The following ADGRA3 variants were observed in gnomAD, a reference collection of about 807,000 sequenced individuals.
ADGRA3 encodes G-protein coupled receptor 125.
In ADGRA3, 56 loss-of-function variants were observed where a neutral mutation model predicts 119.8. The ratio of observed to expected loss-of-function variants is 0.47; its 90% CI spans 0.38 to 0.58. The LOEUF is 0.58. Among genes scored for constraint, ADGRA3 ranks in the 20% least tolerant of loss-of-function variants. ADGRA3 has a pLI of 0.00. For missense variants in ADGRA3, 1,516 were observed against 1,649.0 expected (o/e 0.92, Z 1.40); for synonymous variants, 607 against 623.8 (o/e 0.97, Z 0.40).
chr4:22,496,453 A>G (rs563865100), intron 1 of ADGRA3, among the ~76,000 whole-genome samples: 1 of 152,218 alleles, frequency 6.6e-6, no homozygotes, highest in Non-Finnish European at 1.5e-5. Context: ...TTATTTTACC[A>G]CATTTTCAAT....
At position 22,444,028 on chromosome 4, in the gene ADGRA3, TTTTTTG is replaced by T. The variant is rs527585433; in HGVS notation, c.706+939_706+944del. 6.4e-3 allele frequency among the ~76,000 whole-genome samples: 969 copies of T among 152,244 alleles called. 11 individuals carry two copies. Among genetic ancestry groups the T allele is most frequent in the African/African-American group, 0.022 (899 of 41,544 alleles). On this transcript the variant is annotated intron_variant, in intron 6 of 18. Coordinates refer to ENST00000334304, the MANE Select transcript of ADGRA3 (RefSeq NM_145290.4). ...TTGTGTGTGTAGGTGTGCTTTTTTG[TTTTTTG>T]TTTTTGTTTTTGTTTCTTTTTCATT...
intron 10 of ADGRA3, among the ~76,000 whole-genome samples, chr4:22,433,018 G>C (rs1375908286): frequency 1.3e-5 from 2 of 152,132 alleles, no homozygotes; most frequent in Admixed American, 6.5e-5. Context: ...AAGCCTCCTA[G>C]TTTTTTTCAC....
At chr4:22,457,267 C>A (rs571000175) in intron 3 of ADGRA3, among the ~76,000 whole-genome samples, 58 of 152,138 alleles carry the variant, frequency 3.8e-4, no homozygotes, top group Non-Finnish European at 6.8e-4. Flanking sequence ...CTTCCTAAAT[C>A]AAATTATTTA....
Position 22,436,454 on chromosome 4 carries a change from A to G in ADGRA3, c.1273T>C (p.Tyr425His). The part of the protein sequence containing the change: ...QYANDVTRVL[Y>H]MFNQMPLNLT... ...TTTCTAGTTACCTGATTAAACATAT[A>G]AAGAACTCTAGTGACATCATTTGCA... The change falls in exon 9 of 19, where the codon TAT (tyrosine) becomes CAT (histidine). Residue 425 changes from tyrosine (Y) to histidine (H), a missense_variant. This residue lies in a region of ADGRA3 where 428 missense variants were observed against 541.9 expected (regional missense o/e 0.79). Coordinates refer to ENST00000334304, the MANE Select transcript of ADGRA3 (RefSeq NM_145290.4). The G allele has an allele frequency of 6.2e-7, 1 of 1,611,796 alleles. No individual in the cohort carries two copies. Among genetic ancestry groups the G allele is most frequent in the African/African-American group, 1.3e-5 (1 of 74,980 alleles).
intron 1 of ADGRA3, among the ~76,000 whole-genome samples, chr4:22,477,386 T>C (rs1205661580): frequency 2.0e-5 from 3 of 152,202 alleles, no homozygotes; most frequent in Non-Finnish European, 4.4e-5. Flanking sequence ...ATTAGAGTGA[T>C]TATCGAGATC....
chr4:22,436,151 A>G (rs13152378), intron 9 of ADGRA3, among the ~76,000 whole-genome samples: 6,338 of 152,138 alleles, frequency 0.042, 217 homozygotes, highest in East Asian at 0.19. Context: ...GTGGCTTTCA[A>G]TGTGAACTCG....
intron 2 of ADGRA3, among the ~76,000 whole-genome samples, chr4:22,465,347 T>C (rs2109107669): frequency 6.6e-6 from 1 of 152,298 alleles, no homozygotes; most frequent in East Asian, 1.9e-4. Context: ...TACTCTGGTC[T>C]TAGCAATTAT....
chr4:22,482,767 C>G (rs569728370), intron 1 of ADGRA3, among the ~76,000 whole-genome samples: 33 of 152,338 alleles, frequency 2.2e-4, no homozygotes, highest in Non-Finnish European at 4.1e-4. Context: ...TGCTGAGGTT[C>G]ACACACAGAC....
At chr4:22,450,394 T>C (rs1716991218) in intron 4 of ADGRA3, among the ~76,000 whole-genome samples, 1 of 151,638 alleles carries the variant, frequency 6.6e-6, no homozygotes, top group African/African-American at 2.4e-5. Flanking sequence ...GCCTCCGGAG[T>C]AGCTGGGATT....
chr4:22,480,867 G>T (rs1056933480), intron 1 of ADGRA3, among the ~76,000 whole-genome samples: 2 of 152,012 alleles, frequency 1.3e-5, no homozygotes, highest in African/African-American at 2.4e-5. Context: ...AAAGATCAAG[G>T]CATATATTTA....
intron 12 of ADGRA3, 117 bp from the exon 13 acceptor site, chr4:22,413,931 G>A: frequency 1.6e-6 from 1 of 632,572 alleles, no homozygotes; most frequent in South Asian, 2.6e-5. Context: ...TTTTTAAATT[G>A]GATATACAAA....
chr4:22,392,518 A>C lies in ADGRA3; in HGVS notation c.2627+27T>G, dbSNP rs891995029. On this transcript the variant is annotated intron_variant, in intron 17 of 18. Transcript: ENST00000334304. ...ATGCTTCAATGAAAGCAAACAAAAC[A>C]ATTAATACAACAAAGATATGAGATA... is the stretch of plus-strand genomic sequence containing the variant. 1.1e-5 allele frequency: 18 copies of C among 1,607,818 alleles called. 1 individual carries two copies. The Admixed American group carries it at 1.5e-4, about 14-fold the overall frequency.
chr4:22,421,423 G>GA (rs539947155), intron 11 of ADGRA3, among the ~76,000 whole-genome samples: 2 of 151,900 alleles, frequency 1.3e-5, no homozygotes, highest in South Asian at 2.1e-4. Flanking sequence ...GAAGCATCCT[G>GA]AAAAAAAATT....
chr4:22,487,102 T>C (rs1171645703), intron 1 of ADGRA3, among the ~76,000 whole-genome samples: 1 of 152,130 alleles, frequency 6.6e-6, no homozygotes, highest in African/African-American at 2.4e-5. Context: ...CACACCAGTC[T>C]CCCCCAACTG....
intron 11 of ADGRA3, among the ~76,000 whole-genome samples, chr4:22,421,388 C>T (rs548157173): frequency 1.4e-4 from 22 of 151,950 alleles, no homozygotes; most frequent in African/African-American, 5.1e-4. Context: ...AGGAGCACTT[C>T]GAAGGAAACA....
At chr4:22,470,021 G>C (rs573655340) in intron 2 of ADGRA3, among the ~76,000 whole-genome samples, 6 of 152,070 alleles carry the variant, frequency 3.9e-5, no homozygotes, top group African/African-American at 1.4e-4. Flanking sequence ...CCCAAGCCTA[G>C]CACAGTGTGC....
At chr4:22,457,327 CTTG>C (rs1717273878) in intron 3 of ADGRA3, among the ~76,000 whole-genome samples, 2 of 152,092 alleles carry the variant, frequency 1.3e-5, no homozygotes, top group African/African-American at 4.8e-5. Context: ...TTTATGTGTT[CTTG>C]TTAAGGGAGA....
rs774176772 is a variant in ADGRA3 at position 22,402,642 on chromosome 4, C to T, written c.2357+33G>A. On this transcript the variant is annotated intron_variant, in intron 15 of 18. Coordinates refer to ENST00000334304, the MANE Select transcript of ADGRA3 (RefSeq NM_145290.4). ...AAATAAAGTCCTTCAAATCAAAGTC[C>T]GCAGATCTATTTTGTCGAGATGTAT... 271 of 1,597,586 alleles carry T rather than the reference C, an allele frequency of 1.7e-4. 4 individuals carry two copies. Among genetic ancestry groups the T allele is most frequent in the South Asian group, 5.4e-4 (47 of 87,530 alleles).
intron 1 of ADGRA3, among the ~76,000 whole-genome samples, chr4:22,506,776 G>C (rs1719254526): frequency 6.6e-6 from 1 of 152,016 alleles, no homozygotes; most frequent in Admixed American, 6.6e-5. Context: ...GGGAGGAATA[G>C]TGTACTTTTG....
Sources: allele counts gnomAD v4.1 joint callset (sites outside exome capture counted in the v4.1 genomes callset), GRCh38; gene constraint gnomAD v4.1.1; regional missense constraint gnomAD v4.1.1; transcripts MANE v1.5; gene names NCBI Gene and HGNC (gene_info 2026-07-23, HGNC 2026-07-21).